MACROD2: variants seen among roughly 807,000 people sequenced by gnomAD.
MACROD2 encodes the protein mono-ADP ribosylhydrolase 2, also known as ADP-ribose glycohydrolase MACROD2.
MACROD2 carries 36 observed loss-of-function variants against 70.4 expected under a neutral mutation model. That is an observed-to-expected ratio of 0.51 (90% CI 0.39 to 0.68). The LOEUF is 0.68. Ranked by LOEUF, MACROD2 falls within the 30% of genes least tolerant of loss-of-function variation. MACROD2 has a pLI of 0.00. For synonymous variants in MACROD2, 172 were observed against 178.8 expected (o/e 0.96, Z 0.30); for missense variants, 496 against 538.4 (o/e 0.92, Z 0.78).
intron 3 of MACROD2, chr20:14,324,384 T>C (rs972093770): frequency 1.3e-5 from 2 of 152,562 alleles, no homozygotes; most frequent in African/African-American, 4.8e-5. Context: ...AATGTTACAT[T>C]ACGAGTTCAT....
intron 3 of MACROD2, among the ~76,000 whole-genome samples, chr20:14,491,067 G>A (rs565640573): frequency 6.6e-6 from 1 of 152,210 alleles, no homozygotes; most frequent in East Asian, 1.9e-4. Context: ...ATTAATTTTA[G>A]ACACACAAAA....
At chr20:15,917,192 C>T (rs1251208329) in intron 10 of MACROD2, among the ~76,000 whole-genome samples, 2 of 152,156 alleles carry the variant, frequency 1.3e-5, no homozygotes, top group Admixed American at 6.5e-5. Flanking sequence ...TCTCAAATTT[C>T]CTAAAAGATC....
intron 8 of MACROD2, among the ~76,000 whole-genome samples, chr20:15,827,550 G>A (rs1165988017): frequency 6.6e-6 from 1 of 152,080 alleles, no homozygotes; most frequent in Non-Finnish European, 1.5e-5. Flanking sequence ...AGAAAAAAAT[G>A]CTATGTTTAC....
chr20:15,210,317 T>C (rs911051282), intron 5 of MACROD2, among the ~76,000 whole-genome samples: 5 of 152,344 alleles, frequency 3.3e-5, no homozygotes, highest in Admixed American at 6.5e-5. Flanking sequence ...AAGGTTTATC[T>C]GACTCTTTCC....
intron 4 of MACROD2, among the ~76,000 whole-genome samples, chr20:14,556,005 A>G (rs897611016): frequency 6.6e-6 from 1 of 152,038 alleles, no homozygotes; most frequent in Non-Finnish European, 1.5e-5. Context: ...AAGTGACTTA[A>G]CCATATAATT....
intron 8 of MACROD2, among the ~76,000 whole-genome samples, chr20:15,823,752 G>A (rs748435946): frequency 1.3e-5 from 2 of 152,176 alleles, no homozygotes; most frequent in African/African-American, 4.8e-5. Context: ...TGTACATATG[G>A]CTGTGTAATT....
intron 8 of MACROD2, among the ~76,000 whole-genome samples, chr20:15,717,705 G>T (rs2050725795): frequency 6.6e-6 from 1 of 152,136 alleles, no homozygotes; most frequent in South Asian, 2.1e-4. Flanking sequence ...GTCAAATGGG[G>T]CCTGAGAATT....
intron 8 of MACROD2, among the ~76,000 whole-genome samples, chr20:15,746,875 C>T (rs532046544): frequency 4.2e-4 from 64 of 152,126 alleles, no homozygotes; most frequent in African/African-American, 1.5e-3. Context: ...AAGTAACAGT[C>T]AAGATTTTCG....
chr20:14,173,272 A>G (rs562703548), intron 3 of MACROD2, among the ~76,000 whole-genome samples: 5 of 152,246 alleles, frequency 3.3e-5, no homozygotes, highest in Non-Finnish European at 1.5e-5. Flanking sequence ...GGGACCACCA[A>G]TTATTCTTAG....
At chr20:15,259,623 A>G (rs2077230714) in intron 6 of MACROD2, among the ~76,000 whole-genome samples, 1 of 152,074 alleles carries the variant, frequency 6.6e-6, no homozygotes, top group African/African-American at 2.4e-5. Flanking sequence ...CTTTCAGAGG[A>G]AAATGCAAAA....
intron 3 of MACROD2, among the ~76,000 whole-genome samples, chr20:14,317,585 A>G (rs2082623937): frequency 6.8e-6 from 1 of 146,568 alleles, no homozygotes; most frequent in Admixed American, 7.0e-5. Context: ...GCGCCACTGC[A>G]CTCCAGCCTG....
At chr20:14,477,855 T>G (rs1324917455) in intron 3 of MACROD2, among the ~76,000 whole-genome samples, 1 of 152,148 alleles carries the variant, frequency 6.6e-6, no homozygotes, top group African/African-American at 2.4e-5. Context: ...CTTATTGCAC[T>G]GGAATTGAAA....
rs1000288900 is a variant in MACROD2 at position 14,464,389 on chromosome 20, G to A, written c.272-29090G>A. Among the ~76,000 whole-genome samples, 8 of 151,890 alleles carry A rather than the reference G, an allele frequency of 5.3e-5. No individual in the cohort carries two copies. The East Asian group carries it at 9.6e-4, about 18-fold the overall frequency. ...TGGGATCAGTGGTGATATCCCCTTT[G>A]TCATTTTTTATTGCATCTATTTGAT... On this transcript the variant is annotated intron_variant, in intron 3 of 17. Coordinates refer to ENST00000684519, the MANE Select transcript of MACROD2 (RefSeq NM_001351661.2).
chr20:15,343,663 A>G (rs538588065), intron 6 of MACROD2, among the ~76,000 whole-genome samples: 5 of 152,310 alleles, frequency 3.3e-5, no homozygotes, highest in South Asian at 4.1e-4. Context: ...CAGTACTTCT[A>G]TATATCTGAG....
intron 6 of MACROD2, among the ~76,000 whole-genome samples, chr20:15,409,713 TC>T (rs2046051391): frequency 1.3e-5 from 2 of 152,314 alleles, no homozygotes; most frequent in South Asian, 4.1e-4. Flanking sequence ...GAGGGCTCCA[TC>T]CCCTTGGGAT....
intron 3 of MACROD2, among the ~76,000 whole-genome samples, chr20:14,477,735 G>A (rs1042122893): frequency 5.9e-5 from 9 of 151,860 alleles, no homozygotes; most frequent in African/African-American, 2.2e-4. Context: ...ACTCATTGGA[G>A]GTTTGAAGTC....
chr20:15,643,951 T>A (rs1003002127), intron 8 of MACROD2, among the ~76,000 whole-genome samples: 1 of 152,196 alleles, frequency 6.6e-6, no homozygotes, highest in African/African-American at 2.4e-5. Context: ...GACAAGAGGA[T>A]GGAGGTGGGA....
chr20:15,134,058 C>A (rs1205725571), intron 5 of MACROD2, among the ~76,000 whole-genome samples: 3 of 150,216 alleles, frequency 2.0e-5, no homozygotes, highest in Non-Finnish European at 4.4e-5. Context: ...AGGTGCCCGC[C>A]ACCTCACCTG....
intron 5 of MACROD2, among the ~76,000 whole-genome samples, chr20:15,227,785 T>A (rs2076920032): frequency 6.7e-6 from 1 of 148,368 alleles, no homozygotes; most frequent in African/African-American, 2.5e-5. Flanking sequence ...CCCACTGAAG[T>A]CTTGCAGTAA....
Sources: gnomAD v4.1 joint callset for allele counts (sites outside exome capture counted in the v4.1 genomes callset) on GRCh38, gnomAD v4.1.1 for gene constraint, MANE v1.5 for transcripts, NCBI Gene and HGNC (gene_info 2026-07-23, HGNC 2026-07-21) for gene names.